TGFA: variants seen among roughly 807,000 people sequenced by gnomAD.
TGFA encodes the protein transforming growth factor alpha, also known as protransforming growth factor alpha.
In TGFA, 12 loss-of-function variants were observed where a neutral mutation model predicts 21.7. The ratio of observed to expected loss-of-function variants is 0.55; its 90% CI spans 0.35 to 0.90. The LOEUF (loss-of-function observed/expected upper bound fraction) is 0.90, where lower values mean the gene tolerates loss of function less well. Among genes scored for constraint, TGFA ranks in the 40% least tolerant of loss-of-function variants. TGFA has a pLI of 0.01. For missense variants in TGFA, 178 were observed against 210.8 expected, an observed-to-expected ratio of 0.84 and a Z score of 0.96; for synonymous variants, 79 against 88.1, an observed-to-expected ratio of 0.90 and a Z score of 0.58.
intron 1 of TGFA, among the ~76,000 whole-genome samples, chr2:70,535,088 C>T (rs966961396): frequency 6.6e-6 from 1 of 151,850 alleles, no homozygotes; most frequent in African/African-American, 2.4e-5. Context: ...CATAAGATTG[C>T]TAGGTGGGTT....
chr2:70,496,000 T>G (rs1427861783), intron 2 of TGFA, among the ~76,000 whole-genome samples: 1 of 152,190 alleles, frequency 6.6e-6, no homozygotes, highest in South Asian at 2.1e-4. Context: ...ATATAATTTG[T>G]AGAAATAGTG....
chr2:70,548,522 G>T (rs1178213198), intron 1 of TGFA, among the ~76,000 whole-genome samples: 1 of 152,142 alleles, frequency 6.6e-6, no homozygotes, highest in East Asian at 1.9e-4. Flanking sequence ...TACTTCAAGG[G>T]TACAAATGCG....
Position 70,465,658 on chromosome 2 carries a change from C to T in TGFA, c.173G>A (p.Gly58Glu). 1 of 1,614,164 alleles carries T rather than the reference C, an allele frequency of 6.2e-7. No homozygotes were observed. The highest frequency in any genetic ancestry group is 8.5e-7 in the Non-Finnish European group (1 of 1,180,028). Residue 58 changes from glycine to glutamate, a missense_variant, in exon 3 of 6, where the codon GGA (glycine) becomes GAA (glutamate). By Grantham distance (98) the Gly-to-Glu change is moderately conservative (BLOSUM62 -2). Coordinates refer to ENST00000295400, the MANE Select transcript of TGFA (RefSeq NM_003236.4). Reference sequence around the variant, plus strand: ...CTCCTGCACCAAAAACCTGCAGGTTCCATGGAAGCAGAACTGAGTGTGGGA... The same window carrying T: ...CTCCTGCACCAAAAACCTGCAGGTTTCATGGAAGCAGAACTGAGTGTGGGA... ...PDSHTQFCFH[G>E]TCRFLVQEDK...
intron 2 of TGFA, among the ~76,000 whole-genome samples, chr2:70,475,823 C>T (rs115781298): frequency 0.013 from 1,964 of 152,010 alleles, 45 homozygotes; most frequent in African/African-American, 0.044. Context: ...ACCTGTACCC[C>T]GACTCCCCCT....
At chr2:70,549,149 T>C (rs17639251) in intron 1 of TGFA, among the ~76,000 whole-genome samples, 12,972 of 152,272 alleles carry the variant, frequency 0.085, 756 homozygotes, top group Middle Eastern at 0.17. Context: ...CTGGCAAGCT[T>C]AAGTTTAATA....
chr2:70,552,163 C>T lies in TGFA; in HGVS notation c.40+1565G>A, dbSNP rs575684629. Among the ~76,000 whole-genome samples the T allele has an allele frequency of 3.3e-5, 5 of 151,578 alleles. No homozygotes were observed. The South Asian group carries it at 1.1e-3, about 32-fold the overall frequency. ...CATTCCTTCCACGTTCTTCGACAAT[C>T]CTGGTCCAGTTACTTACTGTGGACC... On this transcript the variant is annotated intron_variant, in intron 1 of 5. Coordinates refer to ENST00000295400, the MANE Select transcript of TGFA (RefSeq NM_003236.4).
At chr2:70,514,423 A>ATT (rs11354380) in intron 2 of TGFA, among the ~76,000 whole-genome samples, 54 of 144,032 alleles carry the variant, frequency 3.7e-4, no homozygotes, top group Non-Finnish European at 6.1e-4. Flanking sequence ...AAAAATACCG[A>ATT]TTTTTTTTTT....
At chr2:70,511,416 A>G (rs569427797) in intron 2 of TGFA, among the ~76,000 whole-genome samples, 1 of 152,368 alleles carries the variant, frequency 6.6e-6, no homozygotes, top group South Asian at 2.1e-4. Flanking sequence ...GGGCACTCAG[A>G]TGTGAAAGTC....
intron 2 of TGFA, among the ~76,000 whole-genome samples, chr2:70,490,335 C>G (rs2103783265): frequency 6.6e-6 from 1 of 152,340 alleles, no homozygotes; most frequent in Middle Eastern, 3.4e-3. Flanking sequence ...TCTCTCCCAT[C>G]TTCTTTCCAC....
At chr2:70,538,908 A>C (rs781909250) in intron 1 of TGFA, among the ~76,000 whole-genome samples, 1 of 152,228 alleles carries the variant, frequency 6.6e-6, no homozygotes. Flanking sequence ...GAAATCTTTC[A>C]TGAAAGGAAG....
At chr2:70,552,064 T>A (rs567161546) in intron 1 of TGFA, among the ~76,000 whole-genome samples, 1 of 152,302 alleles carries the variant, frequency 6.6e-6, no homozygotes, top group African/African-American at 2.4e-5. Flanking sequence ...TTCCACATAA[T>A]CTCTCTTTAA....
At chr2:70,476,080 CAAAAAAAAAAAAAAA>C in intron 2 of TGFA, among the ~76,000 whole-genome samples, 1 of 55,652 alleles carries the variant, frequency 1.8e-5, no homozygotes, top group East Asian at 7.7e-4. Context: ...TAATTTTAAG[CAAAAAAAAAAAAAAA>C]AAAAAAAAAA....
intron 2 of TGFA, among the ~76,000 whole-genome samples, chr2:70,506,585 C>T (rs1273892411): frequency 6.6e-6 from 1 of 152,194 alleles, no homozygotes; most frequent in Non-Finnish European, 1.5e-5. Flanking sequence ...CTGTATGCAT[C>T]ACCAGTAATG....
chr2:70,463,870 G>A lies in TGFA; in HGVS notation c.215+1746C>T, dbSNP rs116427390. On this transcript the variant is annotated intron_variant, in intron 3 of 5. Transcript: ENST00000295400. ...CCCATCAGTCCCCCAGGGGCCCCTA[G>A]TATGTTAATTATTAATAAGAATGAT... 7.8e-3 allele frequency among the ~76,000 whole-genome samples: 1,185 copies of A among 152,276 alleles called. 19 individuals carry two copies. Among genetic ancestry groups the A allele is most frequent in the African/African-American group, 0.027 (1,134 of 41,552 alleles).
chr2:70,498,115 T>G (rs1671629281), intron 2 of TGFA, among the ~76,000 whole-genome samples: 1 of 151,408 alleles, frequency 6.6e-6, no homozygotes. Context: ...GATCTCAGAA[T>G]CCACAGGAAA....
chr2:70,505,848 A>C (rs1489500093), intron 2 of TGFA, among the ~76,000 whole-genome samples: 1 of 152,230 alleles, frequency 6.6e-6, no homozygotes, highest in Non-Finnish European at 1.5e-5. Context: ...GTGTGAAATC[A>C]CTTTCCATTA....
chr2:70,456,614 T>C (rs545838561), intron 3 of TGFA, 126 bp from the exon 4 acceptor site: 3 of 1,214,496 alleles, frequency 2.5e-6, no homozygotes, highest in South Asian at 3.2e-5. Flanking sequence ...CCTGCCAGCT[T>C]TTGCAATTGG....
intron 1 of TGFA, among the ~76,000 whole-genome samples, chr2:70,538,001 G>A (rs1233538216): frequency 6.6e-6 from 1 of 152,124 alleles, no homozygotes; most frequent in Non-Finnish European, 1.5e-5. Flanking sequence ...TAATGCAGCT[G>A]GTGACTTTAG....
At chr2:70,542,417 C>A (rs1673160937) in intron 1 of TGFA, among the ~76,000 whole-genome samples, 1 of 152,054 alleles carries the variant, frequency 6.6e-6, no homozygotes, top group Non-Finnish European at 1.5e-5. Context: ...GTTTACTGAC[C>A]TCATTCAAAC....
Sources: allele counts gnomAD v4.1 joint callset (sites outside exome capture counted in the v4.1 genomes callset), GRCh38; gene constraint gnomAD v4.1.1; transcripts MANE v1.5; gene names NCBI Gene and HGNC (gene_info 2026-07-23, HGNC 2026-07-21).